Variants in CHCHD6 observed in about 807,000 individuals in gnomAD.
CHCHD6 encodes coiled-coil-helix-coiled-coil-helix domain containing 6.
Under a neutral mutation model 32.3 loss-of-function variants are expected in CHCHD6, and 28 were observed. The observed-to-expected ratio is 0.87, with a 90% confidence interval of 0.64 to 1.19. CHCHD6 has a LOEUF of 1.19. Among genes scored for constraint, CHCHD6 ranks in the 50% most tolerant of loss-of-function variants. The pLI, the probability that CHCHD6 is intolerant of heterozygous loss-of-function variation, is 0.00. For synonymous variants in CHCHD6, 122 were observed against 117.5 expected, an observed-to-expected ratio of 1.04 and a Z score of -0.25; for missense variants, 333 against 307.0, an observed-to-expected ratio of 1.08 and a Z score of -0.63.
intron 5 of CHCHD6, among the ~76,000 whole-genome samples, chr3:126,876,549 G>C (rs1159627023): frequency 6.6e-6 from 1 of 152,044 alleles, no homozygotes; most frequent in Non-Finnish European, 1.5e-5. Flanking sequence ...TGTTTTATTG[G>C]CAGTGTTTTA....
chr3:126,877,479 C>T (rs980507152), intron 5 of CHCHD6, among the ~76,000 whole-genome samples: 3 of 151,476 alleles, frequency 2.0e-5, no homozygotes, highest in East Asian at 2.0e-4. Flanking sequence ...GGCCTGAACC[C>T]GGGAGGCGGA....
At chr3:126,862,153 TCCC>T (rs1242962597) in intron 5 of CHCHD6, among the ~76,000 whole-genome samples, 39 of 33,452 alleles carry the variant, frequency 1.2e-3, no homozygotes, top group African/African-American at 2.3e-3. Context: ...CATCACCACC[TCCC>T]CCTCCTCCAC....
At chr3:126,931,338 C>T (rs948353400) in intron 6 of CHCHD6, among the ~76,000 whole-genome samples, 4 of 152,204 alleles carry the variant, frequency 2.6e-5, no homozygotes, top group African/African-American at 9.7e-5. Flanking sequence ...TCGCAGCAGG[C>T]CTTTCCTTCC....
intron 1 of CHCHD6, among the ~76,000 whole-genome samples, chr3:126,719,207 C>T (rs987602780): frequency 4.6e-5 from 7 of 152,220 alleles, no homozygotes; most frequent in Non-Finnish European, 1.0e-4. Context: ...TCTGGCCTGC[C>T]GGCCTTCTGT....
At chr3:126,900,193 T>C (rs1385503505) in intron 5 of CHCHD6, among the ~76,000 whole-genome samples, 1 of 152,176 alleles carries the variant, frequency 6.6e-6, no homozygotes, top group Non-Finnish European at 1.5e-5. Flanking sequence ...CAGTGTGATA[T>C]GGAGTTGGAG....
At chr3:126,784,989 ATTC>A (rs1938127616) in intron 4 of CHCHD6, among the ~76,000 whole-genome samples, 4 of 152,098 alleles carry the variant, frequency 2.6e-5, no homozygotes. Context: ...GAAGCTGTGT[ATTC>A]TTCTATTCTC....
At chr3:126,908,672 C>T (rs150920394) in intron 5 of CHCHD6, among the ~76,000 whole-genome samples, 209 of 152,290 alleles carry the variant, frequency 1.4e-3, no homozygotes, top group Non-Finnish European at 2.2e-3. Context: ...ACTTCCGATA[C>T]TCTCGGATCT....
At chr3:126,784,729 CT>C (rs768016705) in intron 4 of CHCHD6, among the ~76,000 whole-genome samples, 3 of 152,208 alleles carry the variant, frequency 2.0e-5, no homozygotes, top group Non-Finnish European at 4.4e-5. Flanking sequence ...GCCAAATAAT[CT>C]GACCCCTCCT....
intron 5 of CHCHD6, among the ~76,000 whole-genome samples, chr3:126,900,713 TCCTG>T (rs1225261492): frequency 1.3e-5 from 2 of 151,266 alleles, no homozygotes; most frequent in African/African-American, 4.9e-5. Context: ...CAAGTGATTC[TCCTG>T]CCTCAGCCTC....
chr3:126,909,447 C>T (rs552664466), intron 5 of CHCHD6, among the ~76,000 whole-genome samples: 3 of 152,186 alleles, frequency 2.0e-5, no homozygotes, highest in Non-Finnish European at 4.4e-5. Flanking sequence ...TCACCCTCAC[C>T]CTTGCTTTTG....
rs760672239 is a variant in CHCHD6, at chr3:126,704,396, C to T, written c.84C>T (p.Val28=). The change falls in exon 1 of 8, where the codon GTC becomes GTT. Residue 28 remains valine (V), a synonymous_variant. Coordinates refer to ENST00000290913, the MANE Select transcript of CHCHD6 (RefSeq NM_032343.3). ...EEERVRVLQG[V]RLSENVVNRM... ...AGCGGGTCCGGGTGCTGCAGGGTGT[C>T]CGGGTGAGCGGCGCCGCCTGGGCCG... 2.6e-5 allele frequency: 40 copies of T among 1,537,596 alleles called. No individual in the cohort carries two copies. Among genetic ancestry groups the T allele is most frequent in the Admixed American group, 2.0e-4 (10 of 49,890 alleles).
rs570920328 is a variant in CHCHD6 at position 126,806,289 on chromosome 3, C to T, written c.412-46358C>T. 5.0e-4 allele frequency among the ~76,000 whole-genome samples: 76 copies of T among 152,150 alleles called. 1 individual carries two copies. The highest frequency in any genetic ancestry group is 3.4e-3 in the Middle Eastern group (1 of 294). ...AACCTAAAAAATGGGAGAAAATTTT[C>T]GCACCCTACTCATCTGACAAAGGAC... On this transcript the variant is annotated intron_variant, in intron 4 of 7. Coordinates refer to ENST00000290913, the MANE Select transcript of CHCHD6 (RefSeq NM_032343.3).
At chr3:126,886,377 C>G (rs1201845866) in intron 5 of CHCHD6, among the ~76,000 whole-genome samples, 1 of 152,196 alleles carries the variant, frequency 6.6e-6, no homozygotes, top group Non-Finnish European at 1.5e-5. Context: ...ATCTCCCCCT[C>G]TCCCCCTTCC....
intron 1 of CHCHD6, among the ~76,000 whole-genome samples, chr3:126,709,584 C>T (rs1934658563): frequency 6.6e-6 from 1 of 152,178 alleles, no homozygotes; most frequent in African/African-American, 2.4e-5. Flanking sequence ...GAACTGTTTG[C>T]TGAAGAAGCT....
intron 4 of CHCHD6, among the ~76,000 whole-genome samples, chr3:126,803,350 A>C (rs1445488498): frequency 1.3e-5 from 2 of 152,198 alleles, no homozygotes; most frequent in East Asian, 3.8e-4. Context: ...CATAGGCTCA[A>C]AATAAAGGGA....
chr3:126,951,341 C>T (rs368793896), intron 6 of CHCHD6, among the ~76,000 whole-genome samples: 1 of 152,046 alleles, frequency 6.6e-6, no homozygotes, highest in East Asian at 1.9e-4. Context: ...TGAAAACAGA[C>T]TAATACAAAA....
intron 6 of CHCHD6, chr3:126,949,564 ACGGAAGGGAAGGC>A (rs2078687168): frequency 1.9e-5 from 3 of 160,514 alleles, no homozygotes; most frequent in Non-Finnish European, 3.8e-5. Context: ...GCCGCCGTGG[ACGGAAGGGAAGGC>A]TGCTGCCCGG....
chr3:126,895,098 A>G (rs962340045), intron 5 of CHCHD6, among the ~76,000 whole-genome samples: 1 of 152,228 alleles, frequency 6.6e-6, no homozygotes, highest in Non-Finnish European at 1.5e-5. Context: ...TTTCACCTTA[A>G]TAAGATATCT....
At chr3:126,791,671 A>G (rs1207842340) in intron 4 of CHCHD6, among the ~76,000 whole-genome samples, 3 of 152,206 alleles carry the variant, frequency 2.0e-5, no homozygotes, top group Non-Finnish European at 2.9e-5. Flanking sequence ...GTGCAATGGC[A>G]CGATCTTGGC....
Sources: allele counts gnomAD v4.1 joint callset (sites outside exome capture counted in the v4.1 genomes callset), GRCh38; gene constraint gnomAD v4.1.1; transcripts MANE v1.5; gene names NCBI Gene and HGNC (gene_info 2026-07-23, HGNC 2026-07-21).